CTNNA3: variants seen among roughly 807,000 people sequenced by gnomAD.
The protein encoded by CTNNA3 is catenin alpha-3.
CTNNA3 carries 76 observed loss-of-function variants against 95.7 expected under a neutral mutation model. The observed-to-expected ratio is 0.79, with a 90% CI of 0.66 to 0.96. The LOEUF (loss-of-function observed/expected upper bound fraction) is 0.96. Among genes scored for constraint, CTNNA3 ranks in the 40% least tolerant of loss-of-function variants. CTNNA3 has a pLI of 0.00. For synonymous variants in CTNNA3, 431 were observed against 374.4 expected (o/e 1.15, Z -1.74); for missense variants, 1,191 against 1,089.8 (o/e 1.09, Z -1.31).
At chr10:67,574,644 G>A (rs1391546208) in intron 3 of CTNNA3, among the ~76,000 whole-genome samples, 8 of 147,454 alleles carry the variant, frequency 5.4e-5, no homozygotes, top group Admixed American at 1.4e-4. Context: ...GCAGTGGTGC[G>A]ATCTCTGCTC....
intron 12 of CTNNA3, among the ~76,000 whole-genome samples, chr10:66,371,112 C>T (rs1000125982): frequency 6.6e-6 from 1 of 152,096 alleles, no homozygotes; most frequent in Non-Finnish European, 1.5e-5. Flanking sequence ...AGTCAAAGTA[C>T]CCATTCCGTT....
chr10:66,922,357 A>G (rs559193339), intron 7 of CTNNA3, among the ~76,000 whole-genome samples: 14 of 152,194 alleles, frequency 9.2e-5, no homozygotes, highest in Admixed American at 1.3e-4. Context: ...AGGAGAAAAA[A>G]CTTTTAAAAA....
intron 5 of CTNNA3, among the ~76,000 whole-genome samples, chr10:67,284,351 G>A (rs1416737750): frequency 5.9e-5 from 9 of 152,162 alleles, no homozygotes; most frequent in South Asian, 2.1e-4. Context: ...TTGATTTAAC[G>A]GAGAACAAAG....
At chr10:66,271,966 C>G (rs975414860) in intron 13 of CTNNA3, among the ~76,000 whole-genome samples, 2 of 152,160 alleles carry the variant, frequency 1.3e-5, no homozygotes, top group Non-Finnish European at 1.5e-5. Context: ...ATGGGATACA[C>G]AAGAGGAGGG....
intron 10 of CTNNA3, among the ~76,000 whole-genome samples, chr10:66,596,609 T>C (rs574020820): frequency 5.3e-5 from 8 of 152,188 alleles, no homozygotes; most frequent in African/African-American, 1.9e-4. Flanking sequence ...AAAAGAGAAA[T>C]AGAGTGGGTG....
At chr10:66,622,707 T>C (rs1245774248) in intron 9 of CTNNA3, among the ~76,000 whole-genome samples, 1 of 152,144 alleles carries the variant, frequency 6.6e-6, no homozygotes, top group Non-Finnish European at 1.5e-5. Context: ...GTCAGTTGTT[T>C]TATACTTTAA....
Position 67,231,952 on chromosome 10 carries a change from G to C in CTNNA3, c.580-12082C>G, listed in dbSNP as rs1323899916. 2.0e-5 allele frequency among the ~76,000 whole-genome samples: 3 copies of C among 152,272 alleles called. No individual in the cohort carries two copies. The South Asian group carries it at 6.2e-4, about 32-fold the overall frequency. On this transcript the variant is annotated intron_variant, in intron 5 of 17. Transcript: ENST00000433211. The stretch of plus-strand genomic sequence containing the variant: ...TGAATGAAATGAAGTGAGAAGGGAA[G>C]TTTAGACAAAAAAGAATAAAAAGAA...
At chr10:67,528,640 C>T (rs917464012) in intron 4 of CTNNA3, among the ~76,000 whole-genome samples, 1 of 152,136 alleles carries the variant, frequency 6.6e-6, no homozygotes, top group African/African-American at 2.4e-5. Context: ...CACTTTGTAC[C>T]AACCTCTACC....
At chr10:67,093,673 C>T in intron 7 of CTNNA3, among the ~76,000 whole-genome samples, 1 of 151,760 alleles carries the variant, frequency 6.6e-6, no homozygotes, top group Middle Eastern at 3.2e-3. Flanking sequence ...TGAAACTCCC[C>T]CCCAACAAAA....
intron 5 of CTNNA3, among the ~76,000 whole-genome samples, chr10:67,231,373 C>G (rs1182957169): frequency 3.9e-5 from 6 of 152,224 alleles, no homozygotes; most frequent in African/African-American, 1.2e-4. Context: ...CACCCTTGAC[C>G]CCAGAGCAGC....
chr10:66,305,456 A>G (rs1438942461), intron 12 of CTNNA3, among the ~76,000 whole-genome samples: 3 of 152,182 alleles, frequency 2.0e-5, no homozygotes, highest in Non-Finnish European at 4.4e-5. Flanking sequence ...CATTTGGCTC[A>G]TTATTCAATC....
chr10:67,181,649 T>G (rs1993991), intron 6 of CTNNA3, among the ~76,000 whole-genome samples: 57,201 of 151,724 alleles, frequency 0.38, 14,979 homozygotes, highest in African/African-American at 0.75. Context: ...GTAGAGGTGT[T>G]TAAGTATGTA....
intron 13 of CTNNA3, among the ~76,000 whole-genome samples, chr10:66,136,188 C>T (rs1195208089): frequency 6.6e-6 from 1 of 152,184 alleles, no homozygotes; most frequent in Admixed American, 6.5e-5. Context: ...AGGCGTGAGC[C>T]ACCGCGCCAG....
chr10:66,356,088 T>C (rs940923367), intron 12 of CTNNA3, among the ~76,000 whole-genome samples: 1 of 151,362 alleles, frequency 6.6e-6, no homozygotes, highest in African/African-American at 2.4e-5. Flanking sequence ...CAAAATCAGG[T>C]ACAGTGGATG....
chr10:66,854,435 G>T (rs773771190), intron 7 of CTNNA3, among the ~76,000 whole-genome samples: 10 of 152,006 alleles, frequency 6.6e-5, no homozygotes, highest in African/African-American at 2.4e-4. Flanking sequence ...ATGATCTCTA[G>T]GATTCGACAA....
rs77202613 is a variant in CTNNA3 at position 67,119,401 on chromosome 10, A to T, written c.1047+60916T>A. Among the ~76,000 whole-genome samples, 980 of 151,688 alleles carry T rather than the reference A, an allele frequency of 6.5e-3. 10 individuals carry two copies. The highest frequency in any genetic ancestry group is 0.023 in the African/African-American group (935 of 41,466). ...CACTGGACATACTACTACCGGAGAT[A>T]AAAAAAACATACACACAAAAACTCA... On this transcript the variant is annotated intron_variant, in intron 7 of 17. Coordinates refer to ENST00000433211, the MANE Select transcript of CTNNA3 (RefSeq NM_013266.4).
upstream of CTNNA3, among the ~76,000 whole-genome samples, chr10:67,698,974 A>G (rs1564835404): frequency 6.6e-6 from 1 of 152,104 alleles, no homozygotes; most frequent in Non-Finnish European, 1.5e-5. Flanking sequence ...TTCCATCATC[A>G]AATCTATAAA....
Position 66,349,939 on chromosome 10 carries a change from G to A in CTNNA3, c.1732+29213C>T, listed in dbSNP as rs138522942. 1.9e-3 allele frequency among the ~76,000 whole-genome samples: 290 copies of A among 152,108 alleles called. 1 individual carries two copies. Among genetic ancestry groups the A allele is most frequent in the African/African-American group, 6.4e-3 (265 of 41,524 alleles). On this transcript the variant is annotated intron_variant, in intron 12 of 17. Transcript: ENST00000433211. ...CTTTGATCCTGCAGTTTTCTTTAGA[G>A]GCAGTTTACAGAGCCAAAGAAAAAC...
At chr10:67,708,148 C>A (rs1841088102) in intron 1 of CTNNA3, among the ~76,000 whole-genome samples, 1 of 152,052 alleles carries the variant, frequency 6.6e-6, no homozygotes, top group Non-Finnish European at 1.5e-5. Context: ...GAATGTTTTT[C>A]TCATTAATTT....
Sources: gnomAD v4.1 joint callset for allele counts (sites outside exome capture counted in the v4.1 genomes callset) on GRCh38, gnomAD v4.1.1 for gene constraint, MANE v1.5 for transcripts, NCBI Gene and HGNC (gene_info 2026-07-23, HGNC 2026-07-21) for gene names.